Variants in PYGL observed in about 807,000 individuals in gnomAD.
PYGL encodes glycogen phosphorylase, liver form.
A neutral mutation model predicts 100.1 loss-of-function variants in PYGL; 90 were observed. That is an observed-to-expected ratio of 0.90 (90% CI 0.76 to 1.07). PYGL has a LOEUF of 1.07. PYGL is among the 50% of genes least tolerant of loss of function. PYGL has a pLI of 0.00. For missense variants in PYGL, 1,016 were observed against 1,057.6 expected (o/e 0.96, Z 0.55); for synonymous variants, 373 against 393.0 (o/e 0.95, Z 0.60).
At chr14:50,912,735 C>T (rs375083281) in intron 13 of PYGL, among the ~76,000 whole-genome samples, 1 of 152,100 alleles carries the variant, frequency 6.6e-6, no homozygotes, top group African/African-American at 2.4e-5. Context: ...GGGTGGATCA[C>T]TTGAGGTCAG....
At chr14:50,908,799 C>G (rs1287751753) in intron 18 of PYGL, 22 bp downstream of exon 18, 5 of 1,542,870 alleles carry the variant, frequency 3.2e-6, no homozygotes, top group Admixed American at 1.7e-5. Flanking sequence ...CCAAATAGCA[C>G]CATCTTCTTA....
chr14:50,911,982 C>T lies in PYGL; in HGVS notation c.1823G>A (p.Gly608Asp). The T allele has an allele frequency of 6.2e-7, 1 of 1,613,682 alleles. No individual in the cohort carries two copies. Reference protein sequence around the residue: ...LFVPRTVIIGGKAAPGYHMAK... With the variant: ...LFVPRTVIIGDKAAPGYHMAK... ...CATTGAATAGATTCAACTTACTTTA[C>T]CACCAATGATAACTGTCCTTGGCAC... Residue 608 changes from glycine (G) to aspartate (D), a missense_variant, in exon 15 of 20, where the codon GGT becomes GAT. Gly to Asp is a moderately conservative substitution (Grantham distance 94). Coordinates refer to ENST00000216392, the MANE Select transcript of PYGL (RefSeq NM_002863.5).
intron 1 of PYGL, among the ~76,000 whole-genome samples, chr14:50,938,702 C>T (rs17123216): frequency 0.027 from 4,178 of 152,028 alleles, 99 homozygotes; most frequent in East Asian, 0.07. Flanking sequence ...CTATTTTTGG[C>T]GAAGTAATTC....
chr14:50,916,092 G>A, intron 9 of PYGL, 121 bp from the exon 10 acceptor site: 1 of 1,358,226 alleles, frequency 7.4e-7, no homozygotes, highest in Non-Finnish European at 1.0e-6. Flanking sequence ...CATAGTCAGA[G>A]CACTCAATTC....
rs773575319 is a variant in PYGL, at chr14:50,915,905, G to A, written c.1159C>T (p.Arg387Cys). 103 of 1,614,090 alleles carry A rather than the reference G, an allele frequency of 6.4e-5. No homozygotes were observed. Among genetic ancestry groups the A allele is most frequent in the Admixed American group, 8.3e-5 (5 of 60,014 alleles). ...NHTVLPEALE[R>C]WPVDLVEKLL... is the part of the protein sequence containing the mutation. ...TTCTCCACCAGGTCCACGGGCCAGC[G>A]CTCCAGGGCTTCCGGGAGCACTGTG... The change falls in exon 10 of 20, where the codon CGC becomes TGC. Residue 387 changes from arginine (R) to cysteine (C), a missense_variant. Coordinates refer to ENST00000216392, the MANE Select transcript of PYGL (RefSeq NM_002863.5).
Position 50,908,924 on chromosome 14 carries a change from G to C in PYGL, c.2209C>G (p.Pro737Ala), listed in dbSNP as rs759925909. ...TGATCAATGACCAGCTTCAGCTCTG[G>C]AAGTGCCTCATAGTATTCTTTTGCC... Reference protein sequence around the residue: ...YEAKEYYEALPELKLVIDQID... With the variant: ...YEAKEYYEALAELKLVIDQID... The change falls in exon 18 of 20, where the codon CCA becomes GCA. Residue 737 changes from proline (P) to alanine (A), a missense_variant. Physicochemically the swap from Pro to Ala is conservative, Grantham distance 27. Coordinates refer to ENST00000216392, the MANE Select transcript of PYGL (RefSeq NM_002863.5). 4.7e-6 allele frequency: 7 copies of C among 1,501,402 alleles called. No homozygotes were observed. Among genetic ancestry groups the C allele is most frequent in the Non-Finnish European group, 6.3e-6 (7 of 1,104,168 alleles). The allele number at this position is 1,501,402 out of a possible 1,614,324, so 93.0% of individuals were successfully genotyped here.
chr14:50,917,832 G>T (rs1375207078), intron 7 of PYGL, among the ~76,000 whole-genome samples: 2 of 152,214 alleles, frequency 1.3e-5, no homozygotes, highest in African/African-American at 2.4e-5. Flanking sequence ...ATGTCACCAA[G>T]AAATGGTCCT....
rs773996567 is a variant in PYGL at position 50,944,416 on chromosome 14, G to T, written c.-13C>A. ...GGGGCTTCGCCATGGCTGGGGCGGC[G>T]GGCTGCGCGGCGGGCTGCGCAGAGA... On this transcript the variant is annotated 5_prime_UTR_variant, in exon 1 of 20. Coordinates refer to ENST00000216392, the MANE Select transcript of PYGL (RefSeq NM_002863.5). 1.9e-6 allele frequency: 3 copies of T among 1,597,080 alleles called. No individual in the cohort carries two copies. The highest frequency in any genetic ancestry group is 2.3e-5 in the East Asian group (1 of 43,864).
rs15669 is a variant in PYGL at position 50,910,056 on chromosome 14, G to A, written c.2016C>T (p.Thr672=). Residue 672 remains threonine, a synonymous_variant, in exon 17 of 20, where the codon ACC becomes ACT. Transcript: ENST00000216392. ...TCATATTGCCTGTCCCCGAGGCTTC[G>A]GTGCCTGCAGTGGAAATCTGCTCTG... ...DLSEQISTAG[T]EASGTGNMKF... The A allele has an allele frequency of 0.14, 227,129 of 1,613,832 alleles. 19,395 individuals are homozygous for A. Among genetic ancestry groups the A allele is most frequent in the African/African-American group, 0.41 (30,768 of 74,936 alleles).
rs760159787 is a variant in PYGL, at chr14:50,944,204, C to T, written c.200G>A (p.Arg67His). Residue 67 changes from arginine (R) to histidine (H), a missense_variant, in exon 1 of 20, where the codon CGC (arginine) becomes CAC (histidine). Arg to His is a conservative substitution (Grantham distance 29). Transcript: ENST00000216392. ...AHTVRDHLVG[R>H]WIRTQQHYYD... is the part of the protein sequence containing the mutation. ...GTAGTGCTGCTGCGTGCGGATCCAG[C>T]GCCCCACCAGGTGGTCGCGCACCGT... The T allele has an allele frequency of 1.9e-6, 3 of 1,611,368 alleles. No individual in the cohort carries two copies. Among genetic ancestry groups the T allele is most frequent in the South Asian group, 1.1e-5 (1 of 91,062 alleles).
At chr14:50,905,690 T>TTTGTAA in intron 19 of PYGL, 134 bp from the exon 20 acceptor site, 1 of 894,788 alleles carries the variant, frequency 1.1e-6, no homozygotes, top group Non-Finnish European at 1.8e-6. Context: ...ATTACAAATA[T>TTTGTAA]TCTTGTTTGT....
intron 2 of PYGL, among the ~76,000 whole-genome samples, chr14:50,935,662 A>G (rs1210474405): frequency 1.3e-5 from 2 of 152,248 alleles, no homozygotes; most frequent in South Asian, 2.1e-4. Context: ...GAAACAGTCC[A>G]GTACCAAGCT....
chr14:50,916,918 A>G (rs2050457390), intron 8 of PYGL, 44 bp downstream of exon 8: 5 of 1,602,798 alleles, frequency 3.1e-6, no homozygotes, highest in Non-Finnish European at 8.5e-7. Context: ...ATCCCAGTCA[A>G]TCCCTCAGTG....
intron 4 of PYGL, 25 bp from the exon 5 acceptor site, chr14:50,924,125 A>G (rs1467643929): frequency 1.2e-6 from 2 of 1,610,818 alleles, no homozygotes; most frequent in Admixed American, 3.3e-5. Context: ...AGTATTGCTT[A>G]GAATTTATTT....
At position 50,910,895 on chromosome 14, in the gene PYGL, C is replaced by T. The variant is rs150798549; in HGVS notation, c.1970-793G>A. On this transcript the variant is annotated intron_variant, in intron 16 of 19. Coordinates refer to ENST00000216392, the MANE Select transcript of PYGL (RefSeq NM_002863.5). ...ACGCAAATTAGAGCTGCCTGAAGCACTTCCTTTGACTACAAAGGTCAGGAC... is the reference window on the plus strand; with the variant it reads ...ACGCAAATTAGAGCTGCCTGAAGCATTTCCTTTGACTACAAAGGTCAGGAC... Among the ~76,000 whole-genome samples, 235 of 152,342 alleles carry T rather than the reference C, an allele frequency of 1.5e-3. 6 individuals are homozygous for T. The East Asian group carries it at 0.041, about 27-fold the overall frequency.
chr14:50,923,832 T>C (rs1345300218), intron 5 of PYGL, 137 bp downstream of exon 5: 2 of 1,146,202 alleles, frequency 1.7e-6, no homozygotes, highest in Non-Finnish European at 2.5e-6. Flanking sequence ...AACAGATTTA[T>C]TTACAAAAAT....
At chr14:50,928,905 G>C (rs1308063760) in intron 4 of PYGL, among the ~76,000 whole-genome samples, 15 of 152,084 alleles carry the variant, frequency 9.9e-5, no homozygotes, top group Admixed American at 9.8e-4. Flanking sequence ...TTTTATGTTT[G>C]ACGGTTAAAA....
chr14:50,912,191 A>G lies in PYGL; in HGVS notation c.1733T>C (p.Leu578Pro), dbSNP rs776859178. Residue 578 changes from leucine to proline, a missense_variant, in exon 14 of 20, where the codon CTC (leucine) becomes CCC (proline). Coordinates refer to ENST00000216392, the MANE Select transcript of PYGL (RefSeq NM_002863.5). ...VKRIHEYKRQ[L>P]LNCLHVITMY... is the part of the protein sequence containing the mutation. ...CGTGATCACATGCAGACAGTTCAAG[A>G]GCTGTCGCTTGTACTCATGTATCCT... The G allele has an allele frequency of 6.2e-7, 1 of 1,614,168 alleles. No individual in the cohort carries two copies. Among genetic ancestry groups the G allele is most frequent in the Non-Finnish European group, 8.5e-7 (1 of 1,180,036 alleles).
At chr14:50,933,550 A>T (rs981051569) in intron 3 of PYGL, among the ~76,000 whole-genome samples, 1 of 152,022 alleles carries the variant, frequency 6.6e-6, no homozygotes, top group Non-Finnish European at 1.5e-5. Context: ...TTTATTATTA[A>T]ATTTAAATTT....
Sources: allele counts gnomAD v4.1 joint callset (sites outside exome capture counted in the v4.1 genomes callset), GRCh38; gene constraint gnomAD v4.1.1; transcripts MANE v1.5; gene names NCBI Gene and HGNC (gene_info 2026-07-23, HGNC 2026-07-21).